The following PEX14 variants were observed in gnomAD, a reference collection of about 807,000 sequenced individuals.
PEX14 encodes peroxisomal membrane protein PEX14.
PEX14 carries 15 observed loss-of-function variants against 49.5 expected under a neutral mutation model. The observed-to-expected ratio is 0.30, with a 90% CI of 0.20 to 0.47. The LOEUF is 0.47. PEX14 is among the 20% of genes least tolerant of loss of function. The pLI, the probability that PEX14 is intolerant of heterozygous loss-of-function variation, is 1.00. For missense variants in PEX14, 398 were observed against 494.8 expected (o/e 0.80, Z 1.86); for synonymous variants, 210 against 212.7 (o/e 0.99, Z 0.11).
At chr1:10,552,665 A>G (rs770651325) in intron 3 of PEX14, among the ~76,000 whole-genome samples, 15 of 152,354 alleles carry the variant, frequency 9.8e-5, no homozygotes, top group Admixed American at 9.8e-4. Context: ...ATAAGATTTA[A>G]TATTTGTAGT....
chr1:10,569,343 TAA>T (rs1045244061), intron 3 of PEX14, among the ~76,000 whole-genome samples: 19 of 152,178 alleles, frequency 1.2e-4, no homozygotes, highest in African/African-American at 4.6e-4. Context: ...TATCACTGAT[TAA>T]TCCTCACTCA....
At chr1:10,566,977 A>C (rs1159245977) in intron 3 of PEX14, among the ~76,000 whole-genome samples, 3 of 152,206 alleles carry the variant, frequency 2.0e-5, no homozygotes, top group African/African-American at 7.2e-5. Context: ...GTAAAGAGCC[A>C]GATAGTAAAT....
chr1:10,488,234 A>G (rs1424358406), intron 1 of PEX14, among the ~76,000 whole-genome samples: 2 of 151,472 alleles, frequency 1.3e-5, no homozygotes, highest in Admixed American at 1.3e-4. Context: ...ACTGCTCTCT[A>G]CAACCTCCGC....
intron 3 of PEX14, among the ~76,000 whole-genome samples, chr1:10,577,548 ATATATATATATAT>A (rs1557854741): frequency 1.3e-4 from 1 of 7,548 alleles, no homozygotes; most frequent in East Asian, 6.0e-3. Context: ...ATATATATAT[ATATATATATATAT>A]ATTTTTTTTT....
At chr1:10,594,961 C>A (rs1434813982) in intron 3 of PEX14, among the ~76,000 whole-genome samples, 1 of 152,048 alleles carries the variant, frequency 6.6e-6, no homozygotes, top group Non-Finnish European at 1.5e-5. Flanking sequence ...CCTGTGGCCA[C>A]GCAGGTCAGA....
chr1:10,495,434 T>G lies in PEX14; in HGVS notation c.84+113T>G, dbSNP rs1019968965. ...TCAGTAGTGTCCCTTTAAAAGTAGC[T>G]GTTACCTAGAGACTGCCTCTGTCAG... On this transcript the variant is annotated intron_variant, in intron 2 of 8. Transcript: ENST00000356607. The surrounding 1 kb of genome is among the most constrained non-coding windows in gnomAD (Gnocchi z 4.2). 2 of 853,538 alleles carry G rather than the reference T, an allele frequency of 2.3e-6. No homozygotes were observed. Among genetic ancestry groups the G allele is most frequent in the Non-Finnish European group, 1.9e-6 (1 of 516,750 alleles). 52.9% of individuals were successfully genotyped at this position (853,538 alleles called of 1,614,324 possible). A position where few individuals can be genotyped will look rare whatever the true frequency, so the allele number is the denominator to read the frequency against.
At chr1:10,533,771 G>A (rs561277024) in intron 2 of PEX14, among the ~76,000 whole-genome samples, 48 of 152,206 alleles carry the variant, frequency 3.2e-4, no homozygotes, top group African/African-American at 1.1e-3. Flanking sequence ...TATGCATGTT[G>A]GATAGATGAT....
At chr1:10,563,120 G>A (rs1204954987) in intron 3 of PEX14, among the ~76,000 whole-genome samples, 12 of 143,266 alleles carry the variant, frequency 8.4e-5, no homozygotes, top group Non-Finnish European at 3.0e-5. Context: ...GTTTCACCAT[G>A]TTGGTCAGGC....
chr1:10,502,228 T>C (rs763760236), intron 2 of PEX14, among the ~76,000 whole-genome samples: 21 of 152,178 alleles, frequency 1.4e-4, no homozygotes, highest in Admixed American at 1.1e-3. Flanking sequence ...TTAACACTAG[T>C]GTCCGTGTAT....
intron 2 of PEX14, among the ~76,000 whole-genome samples, chr1:10,499,291 G>C (rs577456525): frequency 4.6e-5 from 7 of 152,258 alleles, no homozygotes; most frequent in African/African-American, 1.7e-4. Flanking sequence ...GGCTAAACTA[G>C]AATTTTAGCT....
rs186361358 is a variant in PEX14 at position 10,579,503 on chromosome 1, G to T, written c.170-19735G>T. Among the ~76,000 whole-genome samples the T allele has an allele frequency of 7.6e-4, 115 of 152,248 alleles. 1 individual carries two copies. Among genetic ancestry groups the T allele is most frequent in the African/African-American group, 2.5e-3 (105 of 41,544 alleles). ...GGGTTCTTGGATCTCACACAAGAAA[G>T]AATTCTGGGCGAGTCTGCGGTGCAA... On this transcript the variant is annotated intron_variant, in intron 3 of 8. Coordinates refer to ENST00000356607, the MANE Select transcript of PEX14 (RefSeq NM_004565.3).
intron 3 of PEX14, among the ~76,000 whole-genome samples, chr1:10,547,545 A>G (rs1341794842): frequency 6.6e-6 from 1 of 152,154 alleles, no homozygotes; most frequent in Non-Finnish European, 1.5e-5. Flanking sequence ...TGTATGTACT[A>G]TGTTTTTCTT....
intron 2 of PEX14, among the ~76,000 whole-genome samples, chr1:10,519,611 A>G (rs924751895): frequency 6.6e-6 from 1 of 152,170 alleles, no homozygotes; most frequent in African/African-American, 2.4e-5. Context: ...TGGACTTGCA[A>G]AATTGGAAGT....
chr1:10,601,262 C>CAAAAA (rs58910333), intron 4 of PEX14, among the ~76,000 whole-genome samples: 1,658 of 56,974 alleles, frequency 0.029, 124 homozygotes, highest in African/African-American at 0.089. Flanking sequence ...GACTCTGTCT[C>CAAAAA]AAAAAAAAAA....
chr1:10,480,809 T>C (rs1449843835), intron 1 of PEX14, among the ~76,000 whole-genome samples: 1 of 151,868 alleles, frequency 6.6e-6, no homozygotes, highest in Non-Finnish European at 1.5e-5. Flanking sequence ...CACATTTTGC[T>C]GAATTTGCTT....
At chr1:10,614,398 GAGC>G (rs1641354304) in intron 4 of PEX14, among the ~76,000 whole-genome samples, 2 of 152,200 alleles carry the variant, frequency 1.3e-5, no homozygotes, top group Admixed American at 1.3e-4. Flanking sequence ...CAGGAATGAG[GAGC>G]GGTGAGGGGT....
intron 3 of PEX14, among the ~76,000 whole-genome samples, chr1:10,580,867 A>T (rs1031445471): frequency 6.6e-6 from 1 of 152,060 alleles, no homozygotes; most frequent in African/African-American, 2.4e-5. Flanking sequence ...TTGATCTATA[A>T]AAGTAGTACC....
intron 2 of PEX14, among the ~76,000 whole-genome samples, chr1:10,506,798 C>T (rs1179067413): frequency 6.6e-6 from 1 of 152,108 alleles, no homozygotes; most frequent in Non-Finnish European, 1.5e-5. Flanking sequence ...ATTGTGGAGG[C>T]TGTGTTATGG....
At chr1:10,485,983 C>T (rs1641361746) in intron 1 of PEX14, among the ~76,000 whole-genome samples, 1 of 151,768 alleles carries the variant, frequency 6.6e-6, no homozygotes, top group African/African-American at 2.4e-5. Context: ...GTCTTGAACT[C>T]CTGACCTCAG....
Sources: gnomAD v4.1 joint callset for allele counts (sites outside exome capture counted in the v4.1 genomes callset) on GRCh38, gnomAD v4.1.1 for gene constraint, Gnocchi (gnomAD v3.1) non-coding constraint, MANE v1.5 for transcripts, NCBI Gene and HGNC (gene_info 2026-07-23, HGNC 2026-07-21) for gene names.